Variants in UGT1A8 observed in about 807,000 individuals in gnomAD.
The protein encoded by UGT1A8 is UDP glucuronosyltransferase family 1 member A8.
In UGT1A8, 39 loss-of-function variants were observed where a neutral mutation model predicts 45.3. That is an observed-to-expected ratio of 0.86 (90% CI 0.67 to 1.12). The LOEUF (loss-of-function observed/expected upper bound fraction) is 1.12, where lower values mean the gene tolerates loss of function less well. Among genes scored for constraint, UGT1A8 ranks in the 50% most tolerant of loss-of-function variants. The pLI, the probability that UGT1A8 is intolerant of heterozygous loss-of-function variation, is 0.00. For synonymous variants in UGT1A8, 275 were observed against 249.2 expected (o/e 1.10, Z -0.97); for missense variants, 719 against 664.9 (o/e 1.08, Z -0.90).
rs2074210064 is a variant in UGT1A8 at position 233,672,087 on chromosome 2, G to A, written c.855+53525G>A. The A allele has an allele frequency of 2.5e-6, 4 of 1,614,140 alleles. No homozygotes were observed. The East Asian group carries it at 8.9e-5, about 36-fold the overall frequency. On this transcript the variant is annotated intron_variant, in intron 1 of 4. Coordinates refer to ENST00000373450, the MANE Select transcript of UGT1A8 (RefSeq NM_019076.5). ...CGGTGGTGGAGAAACTCATTCTCAGGGGGCATGAGGTGGTTGTAGTCATGC... is the reference window on the plus strand; with the variant it reads ...CGGTGGTGGAGAAACTCATTCTCAGAGGGCATGAGGTGGTTGTAGTCATGC...
intron 1 of UGT1A8, chr2:233,754,340 T>C (rs17862879): frequency 7.9e-6 from 2 of 252,142 alleles, no homozygotes; most frequent in Non-Finnish European, 1.6e-5. Flanking sequence ...GTTTAATAAA[T>C]AGCAAATTGC....
At chr2:233,647,766 T>A (rs1360191345) in intron 1 of UGT1A8, among the ~76,000 whole-genome samples, 1 of 152,232 alleles carries the variant, frequency 6.6e-6, no homozygotes, top group Non-Finnish European at 1.5e-5. Flanking sequence ...ATTTATATCT[T>A]CTGTCTTTTT....
At chr2:233,650,335 G>A (rs2073709195) in intron 1 of UGT1A8, among the ~76,000 whole-genome samples, 1 of 152,164 alleles carries the variant, frequency 6.6e-6, no homozygotes, top group Non-Finnish European at 1.5e-5. Context: ...AGCTGATCTG[G>A]CTGCAATGAT....
In UGT1A8 at chr2:233,755,096, G is replaced by A. The variant is rs62191920; in HGVS notation, c.856-11938G>A. On this transcript the variant is annotated intron_variant, in intron 1 of 4. Transcript: ENST00000373450. ...GGTCATAGATATCGCGTTTCTACGC[G>A]TCCGACAACACCTCGTAGGCCTCAG... 3.7e-6 allele frequency: 5 copies of A among 1,334,470 alleles called. No individual in the cohort carries two copies. The Admixed American group carries it at 7.6e-5, about 20-fold the overall frequency. 82.7% of individuals were successfully genotyped at this position (1,334,470 alleles called of 1,614,324 possible).
At chr2:233,728,644 GT>G (rs1404830027) in intron 1 of UGT1A8, among the ~76,000 whole-genome samples, 1 of 152,172 alleles carries the variant, frequency 6.6e-6, no homozygotes, top group African/African-American at 2.4e-5. Context: ...ATGTTGTATG[GT>G]TTTTGGATGC....
intron 1 of UGT1A8, among the ~76,000 whole-genome samples, chr2:233,704,904 C>G (rs2075812559): frequency 6.6e-6 from 1 of 152,134 alleles, no homozygotes; most frequent in African/African-American, 2.4e-5. Context: ...AAGGCTGAGG[C>G]AGGTGGATCA....
chr2:233,736,099 G>A (rs1234908815), intron 1 of UGT1A8, among the ~76,000 whole-genome samples: 3 of 152,216 alleles, frequency 2.0e-5, no homozygotes, highest in African/African-American at 7.2e-5. Context: ...ATATCCTGAA[G>A]AGTGTTTTCC....
intron 1 of UGT1A8, among the ~76,000 whole-genome samples, chr2:233,699,210 G>GA (rs1003409179): frequency 4.1e-4 from 61 of 150,002 alleles, no homozygotes; most frequent in Admixed American, 1.4e-3. Flanking sequence ...GCTGTTGCAT[G>GA]AAAAAAAAAC....
At chr2:233,736,819 A>G (rs1408974835) in intron 1 of UGT1A8, among the ~76,000 whole-genome samples, 1 of 152,184 alleles carries the variant, frequency 6.6e-6, no homozygotes, top group Non-Finnish European at 1.5e-5. Context: ...TCCACTCCAG[A>G]TGCTCTTTGC....
At chr2:233,697,656 A>T (rs1053465804) in intron 1 of UGT1A8, among the ~76,000 whole-genome samples, 3 of 151,536 alleles carry the variant, frequency 2.0e-5, no homozygotes, top group Non-Finnish European at 2.9e-5. Flanking sequence ...CTTGAGGTGC[A>T]TTCTTAGGTT....
At chr2:233,698,370 A>G (rs531245162) in intron 1 of UGT1A8, among the ~76,000 whole-genome samples, 3 of 152,340 alleles carry the variant, frequency 2.0e-5, no homozygotes, top group African/African-American at 7.2e-5. Flanking sequence ...AATGCCATGA[A>G]ATTGTTCACT....
intron 1 of UGT1A8, among the ~76,000 whole-genome samples, chr2:233,695,975 T>G (rs548807201): frequency 6.6e-6 from 1 of 152,328 alleles, no homozygotes; most frequent in South Asian, 2.1e-4. Context: ...AATTCAGTTC[T>G]GAAGATGTCC....
At chr2:233,654,032 A>G (rs905798403) in intron 1 of UGT1A8, among the ~76,000 whole-genome samples, 33 of 152,260 alleles carry the variant, frequency 2.2e-4, no homozygotes, top group African/African-American at 8.0e-4. Flanking sequence ...ATGGAGTCAA[A>G]TTTGTGAGCA....
At chr2:233,665,733 A>G (rs751067199) in intron 1 of UGT1A8, among the ~76,000 whole-genome samples, 1 of 152,222 alleles carries the variant, frequency 6.6e-6, no homozygotes, top group Non-Finnish European at 1.5e-5. Flanking sequence ...GCAAAAATAT[A>G]ATAATATACA....
intron 1 of UGT1A8, among the ~76,000 whole-genome samples, chr2:233,688,346 C>A (rs907282855): frequency 1.3e-5 from 2 of 152,134 alleles, no homozygotes; most frequent in Admixed American, 1.3e-4. Flanking sequence ...CATTTTCAGC[C>A]ATGAAAAATA....
At chr2:233,754,951 G>A (rs769037573) in intron 1 of UGT1A8, 2 of 1,320,818 alleles carry the variant, frequency 1.5e-6, no homozygotes, top group Non-Finnish European at 2.0e-6. Context: ...AATGGGTCCC[G>A]GCCGCCAAAG....
At chr2:233,735,248 G>T (rs1391437917) in intron 1 of UGT1A8, among the ~76,000 whole-genome samples, 3 of 152,102 alleles carry the variant, frequency 2.0e-5, no homozygotes, top group African/African-American at 7.2e-5. Flanking sequence ...TTGTTGAATT[G>T]CTCCCTTTAC....
At chr2:233,747,186 C>G (rs1693584588) in intron 1 of UGT1A8, 2 of 1,602,976 alleles carry the variant, frequency 1.2e-6, no homozygotes, top group Non-Finnish European at 1.7e-6. Flanking sequence ...GTGGGGTGGA[C>G]AGTCAGCTGT....
In UGT1A8 at chr2:233,648,364, GA is replaced by G. The variant is rs1410153612; in HGVS notation, c.855+29804del. On this transcript the variant is annotated intron_variant, in intron 1 of 4. Transcript: ENST00000373450. ...CAGAGGAATACTTTGACATTACCTT[GA>G]AGAAGGTGCACAGTGCCCTGCTTCT... is the stretch of plus-strand genomic sequence containing the variant. The G allele has an allele frequency of 1.0e-5, 4 of 401,844 alleles. No individual in the cohort carries two copies. In the Admixed American group the frequency reaches 1.1e-4, roughly 11 times the overall value. The allele number at this position is 401,844 out of a possible 1,614,324, so 24.9% of individuals were successfully genotyped here. A position where few individuals can be genotyped will look rare whatever the true frequency, so the allele number is the denominator to read the frequency against.
Sources: allele counts gnomAD v4.1 joint callset (sites outside exome capture counted in the v4.1 genomes callset), GRCh38; gene constraint gnomAD v4.1.1; transcripts MANE v1.5; gene names NCBI Gene and HGNC (gene_info 2026-07-23, HGNC 2026-07-21).